The following CTC1 variants were observed in gnomAD, a reference collection of about 807,000 sequenced individuals.
CTC1 encodes CST telomere replication complex component 1, also known as CST complex subunit CTC1.
CTC1 carries 91 observed loss-of-function variants against 136.3 expected under a neutral mutation model. The ratio of observed to expected loss-of-function variants is 0.67; its 90% CI spans 0.56 to 0.79. The LOEUF (loss-of-function observed/expected upper bound fraction) is 0.79, where lower values mean the gene tolerates loss of function less well. CTC1 is among the 30% of genes least tolerant of loss of function. The pLI, the probability that CTC1 is intolerant of heterozygous loss-of-function variation, is 0.00. For missense variants in CTC1, 1,432 were observed against 1,498.1 expected (o/e 0.96, Z 0.73); for synonymous variants, 606 against 613.8 (o/e 0.99, Z 0.19).
In CTC1 at chr17:8,226,811, T is replaced by C. The variant is rs150798403; in HGVS notation, c.*1369A>G. On this transcript the variant is annotated 3_prime_UTR_variant, in exon 23 of 23. Coordinates refer to ENST00000651323, the MANE Select transcript of CTC1 (RefSeq NM_025099.6). The stretch of plus-strand genomic sequence containing the variant: ...GCGGCGGTTGCACGTGAACCTTCCT[T>C]TCACCCGGGTGCCCAGAGACTCCTC... 343 of 152,268 alleles carry C rather than the reference T, an allele frequency of 2.3e-3. No individual in the cohort carries two copies. The highest frequency in any genetic ancestry group is 7.5e-3 in the African/African-American group (311 of 41,538). The allele number at this position is 152,268 out of a possible 1,614,324, so 9.4% of individuals were successfully genotyped here.
chr17:8,236,419 G>A (rs1264448497), intron 5 of CTC1, 77 bp from the exon 6 acceptor site: 7 of 1,467,542 alleles, frequency 4.8e-6, no homozygotes, highest in South Asian at 2.6e-5. Flanking sequence ...TTTCCCTCAC[G>A]ATTTGAACTC....
Position 8,228,523 on chromosome 17 carries a change from G to T in CTC1, c.3494C>A (p.Pro1165Gln), listed in dbSNP as rs766537691. The change falls in exon 22 of 23, where the codon CCG becomes CAG. Residue 1165 changes from proline (P) to glutamine (Q), a missense_variant. By Grantham distance (76) the Pro-to-Gln change is moderately conservative. Transcript: ENST00000651323. The part of the protein sequence containing the change: ...IVLSFELERK[P>Q]SKIVPLEPPR... The stretch of plus-strand genomic sequence containing the variant: ...CTTACCTAATGGGACGATCTTCGAC[G>T]GTTTCCTTTCCAGCTCAAAAGAAAG... 3 of 1,613,914 alleles carry T rather than the reference G, an allele frequency of 1.9e-6. No homozygotes were observed. Among genetic ancestry groups the T allele is most frequent in the South Asian group, 2.2e-5 (2 of 91,078 alleles).
At chr17:8,244,130 G>A (rs1275111555) in intron 1 of CTC1, among the ~76,000 whole-genome samples, 1 of 152,210 alleles carries the variant, frequency 6.6e-6, no homozygotes, top group Non-Finnish European at 1.5e-5. Context: ...GTGCCTAATA[G>A]TGGACAGTAC....
At position 8,227,089 on chromosome 17, in the gene CTC1, A is replaced by C; in HGVS notation, c.*1091T>G. The C allele has an allele frequency of 6.6e-6, 1 of 150,698 alleles. No individual in the cohort carries two copies. Among genetic ancestry groups the C allele is most frequent in the South Asian group, 2.1e-4 (1 of 4,844 alleles). 9.3% of individuals were successfully genotyped at this position (150,698 alleles called of 1,614,324 possible). Reference sequence around the variant, plus strand: ...CACTAACTTTCCGGGTCTACTTCAAATCTTAATATAGGGTATTGCTACCAT... The same window carrying C: ...CACTAACTTTCCGGGTCTACTTCAACTCTTAATATAGGGTATTGCTACCAT... On this transcript the variant is annotated 3_prime_UTR_variant, in exon 23 of 23. Transcript: ENST00000651323.
chr17:8,234,376 A>G, intron 10 of CTC1, 79 bp downstream of exon 10: 1 of 1,350,800 alleles, frequency 7.4e-7, no homozygotes, highest in Non-Finnish European at 1.0e-6. Context: ...ACGAAGAAAG[A>G]TAGTAACCGA....
rs774972007 is a variant in CTC1 at position 8,235,132 on chromosome 17, C to T, written c.1360G>A (p.Glu454Lys). ...AACTGACGTTCCCACACCAGCTGCT[C>T]GTACAGGGAGGCCCCGTAGGCTTGA... The part of the protein sequence containing the change: ...SRQAYGASLY[E>K]QLVWERQLGL... The change falls in exon 8 of 23, where the codon GAG (glutamate) becomes AAG (lysine). Residue 454 changes from glutamate (E) to lysine (K), a missense_variant. Coordinates refer to ENST00000651323, the MANE Select transcript of CTC1 (RefSeq NM_025099.6). 1.3e-5 allele frequency: 21 copies of T among 1,613,986 alleles called. No homozygotes were observed. Among genetic ancestry groups the T allele is most frequent in the Middle Eastern group, 1.6e-4 (1 of 6,084 alleles).
chr17:8,231,761 C>T lies in CTC1; in HGVS notation c.2440G>A (p.Gly814Arg). 1.2e-6 allele frequency: 2 copies of T among 1,614,144 alleles called. No individual in the cohort carries two copies. Among genetic ancestry groups the T allele is most frequent in the East Asian group, 2.2e-5 (1 of 44,882 alleles). ...GGAGCTATGAGTCGGTACACCTGTC[C>T]CGGGTGCAAGAACTCAAACCAGCGG... ...SVRWFEFLHP[G>R]QVYRLIAPGP... The change falls in exon 14 of 23, where the codon GGA (glycine) becomes AGA (arginine). Residue 814 changes from glycine (G) to arginine (R), a missense_variant. By Grantham distance (125) the Gly-to-Arg change is moderately radical. Transcript: ENST00000651323.
chr17:8,230,068 C>T, intron 17 of CTC1, 100 bp from the exon 18 acceptor site: 3 of 1,173,504 alleles, frequency 2.6e-6, no homozygotes, highest in Non-Finnish European at 2.5e-6. Flanking sequence ...GCCACTCCCC[C>T]TGAGGGACAT....
At chr17:8,230,063 T>G in intron 17 of CTC1, 95 bp from the exon 18 acceptor site, 1 of 1,206,230 alleles carries the variant, frequency 8.3e-7, no homozygotes, top group Non-Finnish European at 1.2e-6. Flanking sequence ...GAGTGGCCAC[T>G]CCCCCTGAGG....
chr17:8,238,636 A>C lies in CTC1; in HGVS notation c.198-7T>G. 6.3e-7 allele frequency: 1 copy of C among 1,581,708 alleles called. No individual in the cohort carries two copies. Among genetic ancestry groups the C allele is most frequent in the Non-Finnish European group, 8.6e-7 (1 of 1,162,486 alleles). On this transcript the variant is annotated splice_polypyrimidine_tract_variant and splice_region_variant and intron_variant, in intron 2 of 22. Coordinates refer to ENST00000651323, the MANE Select transcript of CTC1 (RefSeq NM_025099.6). ...GTCCTGTACTGAGACGAAGCTGTAG[A>C]GTGAAGGGAACAGAGGTCCTGCAAA... is the stretch of plus-strand genomic sequence containing the variant.
At chr17:8,232,788 T>C (rs117581345) in intron 11 of CTC1, 118 bp downstream of exon 11, 39 of 1,336,994 alleles carry the variant, frequency 2.9e-5, no homozygotes, top group East Asian at 1.9e-4. Flanking sequence ...AAGTTGTTGA[T>C]TGACATGTGT....
Position 8,229,186 on chromosome 17 carries a change from G to C in CTC1, c.3177C>G (p.Gly1059=). Residue 1059 remains glycine (G), a synonymous_variant, in exon 20 of 23, where the codon GGC becomes GGG. Coordinates refer to ENST00000651323, the MANE Select transcript of CTC1 (RefSeq NM_025099.6). ...ICRQGKCTRL[G]STCPTQTAIS... The stretch of plus-strand genomic sequence containing the variant: ...TAGCTGTCTGCGTAGGGCAAGTGGA[G>C]CCCAGGCGAGTGCACTTTCCCTGGG... The C allele has an allele frequency of 1.2e-6, 2 of 1,614,212 alleles. No homozygotes were observed. Among genetic ancestry groups the C allele is most frequent in the South Asian group, 1.1e-5 (1 of 91,082 alleles).
intron 15 of CTC1, chr17:8,230,860 A>G: frequency 1.7e-6 from 1 of 576,488 alleles, no homozygotes; most frequent in Non-Finnish European, 3.1e-6. Context: ...CAAAACCCGC[A>G]CAAGGTGGCT....
At chr17:8,245,228 C>T (rs1433625921) in intron 1 of CTC1, among the ~76,000 whole-genome samples, 2 of 152,122 alleles carry the variant, frequency 1.3e-5, no homozygotes, top group Non-Finnish European at 2.9e-5. Flanking sequence ...AATCTCTATA[C>T]CAAACCCCCA....
chr17:8,234,517 G>C lies in CTC1; in HGVS notation c.1756C>G (p.Leu586Val), dbSNP rs760274760. Residue 586 changes from leucine to valine, a missense_variant, in exon 10 of 23, where the codon CTC becomes GTC. Coordinates refer to ENST00000651323, the MANE Select transcript of CTC1 (RefSeq NM_025099.6). Reference sequence around the variant, plus strand: ...CAGGACCAAGCCAGGCGGCGATTGAGTTGGCAGCTGGGCAGGTAGGAGGCC... The same window carrying C: ...CAGGACCAAGCCAGGCGGCGATTGACTTGGCAGCTGGGCAGGTAGGAGGCC... ...PEASYLPSCQ[L>V]NRRLAWSWLC... 6 of 1,558,302 alleles carry C rather than the reference G, an allele frequency of 3.9e-6. No homozygotes were observed. The East Asian group carries it at 9.6e-5, about 25-fold the overall frequency.
At chr17:8,236,620 G>A (rs1002286328) in intron 5 of CTC1, among the ~76,000 whole-genome samples, 6 of 151,630 alleles carry the variant, frequency 4.0e-5, no homozygotes, top group Admixed American at 3.3e-4. Flanking sequence ...GCCCTATCCC[G>A]CCCCATAACA....
Position 8,229,882 on chromosome 17 carries a change from G to A in CTC1, c.3011+9C>T, listed in dbSNP as rs1987061036. ...CAGGAAGTTTAGGGGTTGGGGTCTG[G>A]GCACTGACCTGATGGTGGTCTCAGG... On this transcript the variant is annotated intron_variant, in intron 18 of 22. Transcript: ENST00000651323. 3 of 1,612,728 alleles carry A rather than the reference G, an allele frequency of 1.9e-6. No individual in the cohort carries two copies. The highest frequency in any genetic ancestry group is 2.5e-6 in the Non-Finnish European group (3 of 1,178,896).
chr17:8,241,094 G>C (rs1988177388), intron 2 of CTC1, among the ~76,000 whole-genome samples: 1 of 151,922 alleles, frequency 6.6e-6, no homozygotes. Context: ...TTCAAGACCA[G>C]CCTGGCCAAC....
Position 8,237,359 on chromosome 17 carries a change from T to C in CTC1, c.792+16A>G. 1.9e-6 allele frequency: 3 copies of C among 1,613,338 alleles called. No individual in the cohort carries two copies. Among genetic ancestry groups the C allele is most frequent in the Non-Finnish European group, 2.5e-6 (3 of 1,179,490 alleles). On this transcript the variant is annotated intron_variant, in intron 5 of 22. Transcript: ENST00000651323. ...CCCTCCCCCACTTCCATGGCTGAAA[T>C]GACCCCAGTCCTCACCTGCACGATG...
Sources: gnomAD v4.1 joint callset for allele counts (sites outside exome capture counted in the v4.1 genomes callset) on GRCh38, gnomAD v4.1.1 for gene constraint, MANE v1.5 for transcripts, NCBI Gene and HGNC (gene_info 2026-07-23, HGNC 2026-07-21) for gene names.